LSAMP: variants seen among roughly 807,000 people sequenced by gnomAD.
LSAMP encodes limbic system-associated membrane protein.
Under a neutral mutation model 38.6 loss-of-function variants are expected in LSAMP, and 7 were observed. The ratio of observed to expected loss-of-function variants is 0.18; its 90% confidence interval spans 0.10 to 0.34. LSAMP has a LOEUF of 0.34. Among genes scored for constraint, LSAMP ranks in the 10% least tolerant of loss-of-function variants. The pLI, the probability that LSAMP is intolerant of heterozygous loss-of-function variation, is 1.00. For missense variants in LSAMP, 313 were observed against 420.0 expected, an observed-to-expected ratio of 0.75 and a Z score of 2.23; for synonymous variants, 154 against 166.8, an observed-to-expected ratio of 0.92 and a Z score of 0.59.
chr3:116,061,289 G>C (rs144759114), intron 2 of LSAMP, among the ~76,000 whole-genome samples: 257 of 152,270 alleles, frequency 1.7e-3, no homozygotes, highest in African/African-American at 5.8e-3. Flanking sequence ...ACAGGAAAGA[G>C]AACTGTCCAT....
chr3:116,018,638 G>T (rs1291676872), intron 3 of LSAMP, among the ~76,000 whole-genome samples: 1 of 152,136 alleles, frequency 6.6e-6, no homozygotes, highest in Non-Finnish European at 1.5e-5. Context: ...TAAAGACTGT[G>T]TTATTTGACA....
At chr3:116,030,317 T>A (rs1204099407) in intron 2 of LSAMP, among the ~76,000 whole-genome samples, 1 of 152,132 alleles carries the variant, frequency 6.6e-6, no homozygotes, top group Non-Finnish European at 1.5e-5. Flanking sequence ...CTGTGTGATG[T>A]CAAGTGGCTG....
intron 3 of LSAMP, among the ~76,000 whole-genome samples, chr3:115,982,483 C>T (rs1434303083): frequency 6.6e-6 from 1 of 152,038 alleles, no homozygotes; most frequent in African/African-American, 2.4e-5. Flanking sequence ...AGGGGAAATC[C>T]TCAAATTGCC....
intron 1 of LSAMP, among the ~76,000 whole-genome samples, chr3:116,392,075 A>T (rs985156645): frequency 1.3e-5 from 2 of 152,106 alleles, no homozygotes; most frequent in African/African-American, 4.8e-5. Flanking sequence ...GAGATATCAC[A>T]CCTGCCCTGA....
At chr3:116,215,346 T>G (rs2046206963) in intron 1 of LSAMP, among the ~76,000 whole-genome samples, 1 of 152,120 alleles carries the variant, frequency 6.6e-6, no homozygotes, top group South Asian at 2.1e-4. Context: ...ATGAGACCGA[T>G]TTCTGGCTAA....
At chr3:116,433,572 C>G (rs1165946467) in intron 1 of LSAMP, among the ~76,000 whole-genome samples, 2 of 152,052 alleles carry the variant, frequency 1.3e-5, no homozygotes, top group Non-Finnish European at 2.9e-5. Context: ...GATGCAATGC[C>G]CAGGTAAGCA....
chr3:116,194,172 A>G (rs1710821185), intron 1 of LSAMP, among the ~76,000 whole-genome samples: 1 of 152,106 alleles, frequency 6.6e-6, no homozygotes, highest in Admixed American at 6.6e-5. Flanking sequence ...TGAATGCCAG[A>G]TTTTTCCATG....
At chr3:116,190,468 C>T (rs1710730800) in intron 1 of LSAMP, among the ~76,000 whole-genome samples, 1 of 151,928 alleles carries the variant, frequency 6.6e-6, no homozygotes, top group Non-Finnish European at 1.5e-5. Context: ...TTCCCCAACA[C>T]TAACAGTTTC....
chr3:116,103,106 G>A (rs568359080), intron 1 of LSAMP, among the ~76,000 whole-genome samples: 2 of 152,190 alleles, frequency 1.3e-5, no homozygotes, highest in South Asian at 4.1e-4. Context: ...GTCAGAGGTG[G>A]ATTATCTAGT....
intron 1 of LSAMP, among the ~76,000 whole-genome samples, chr3:116,096,017 C>T (rs1294249713): frequency 6.6e-6 from 1 of 152,050 alleles, no homozygotes; most frequent in Non-Finnish European, 1.5e-5. Context: ...ATTTGTTTAT[C>T]CTCTCTGTGC....
rs551225777 is a variant in LSAMP, at chr3:116,138,522, C to T, written c.156-51966G>A. ...TAAAAGATACAACTTTTCAGCAATG[C>T]GGACAGTGTCTCTTTTAGGGACTGT... is the stretch of plus-strand genomic sequence containing the variant. On this transcript the variant is annotated intron_variant, in intron 1 of 6. Transcript: ENST00000490035. 5.3e-5 allele frequency among the ~76,000 whole-genome samples: 8 copies of T among 152,054 alleles called. No individual in the cohort carries two copies. The South Asian group carries it at 1.2e-3, about 24-fold the overall frequency.
intron 1 of LSAMP, among the ~76,000 whole-genome samples, chr3:116,347,686 A>G (rs2048082183): frequency 6.6e-6 from 1 of 152,182 alleles, no homozygotes; most frequent in Non-Finnish European, 1.5e-5. Flanking sequence ...AAGCACAGGA[A>G]AAACCAAGAG....
chr3:116,044,747 G>A (rs557992510), intron 2 of LSAMP, among the ~76,000 whole-genome samples: 1 of 152,252 alleles, frequency 6.6e-6, no homozygotes, highest in Non-Finnish European at 1.5e-5. Context: ...GCCCCAGCTG[G>A]CCAGACCTCC....
intron 1 of LSAMP, among the ~76,000 whole-genome samples, chr3:116,113,112 A>T (rs868332789): frequency 6.6e-6 from 1 of 152,124 alleles, no homozygotes; most frequent in Non-Finnish European, 1.5e-5. Flanking sequence ...GTGAGAAGTG[A>T]AGAGAGAGAG....
rs536337163 is a variant in LSAMP at position 116,110,783 on chromosome 3, G to A, written c.156-24227C>T. Among the ~76,000 whole-genome samples, 510 of 152,294 alleles carry A rather than the reference G, an allele frequency of 3.3e-3. 5 individuals carry two copies. Among genetic ancestry groups the A allele is most frequent in the African/African-American group, 0.012 (490 of 41,582 alleles). On this transcript the variant is annotated intron_variant, in intron 1 of 6. Coordinates refer to ENST00000490035, the MANE Select transcript of LSAMP (RefSeq NM_002338.5). ...TCTCCCAAGGGAGGTCCCCCGATCCGAGTCATGGCACCAAATTTCATGCGC... is the reference window on the plus strand; with the variant it reads ...TCTCCCAAGGGAGGTCCCCCGATCCAAGTCATGGCACCAAATTTCATGCGC...
intron 2 of LSAMP, among the ~76,000 whole-genome samples, chr3:116,069,789 A>T (rs1707555639): frequency 6.6e-6 from 1 of 152,198 alleles, no homozygotes; most frequent in Non-Finnish European, 1.5e-5. Flanking sequence ...TAGTATAATA[A>T]AAGTGAAGTG....
chr3:116,140,316 G>C (rs1320074729), intron 1 of LSAMP, among the ~76,000 whole-genome samples: 1 of 151,614 alleles, frequency 6.6e-6, no homozygotes, highest in Non-Finnish European at 1.5e-5. Flanking sequence ...TTCGATTCTA[G>C]AGACACCAGA....
At chr3:116,238,408 A>G (rs2046491943) in intron 1 of LSAMP, among the ~76,000 whole-genome samples, 1 of 152,162 alleles carries the variant, frequency 6.6e-6, no homozygotes, top group Non-Finnish European at 1.5e-5. Context: ...CATTTTTCAA[A>G]TGTTTAAATA....
intron 2 of LSAMP, among the ~76,000 whole-genome samples, chr3:116,049,785 T>G (rs867906085): frequency 6.6e-6 from 1 of 152,198 alleles, no homozygotes; most frequent in Non-Finnish European, 1.5e-5. Flanking sequence ...TTCTTTCACA[T>G]GAACATTTTA....
Sources: gnomAD v4.1 joint callset for allele counts (sites outside exome capture counted in the v4.1 genomes callset) on GRCh38, gnomAD v4.1.1 for gene constraint, MANE v1.5 for transcripts, NCBI Gene and HGNC (gene_info 2026-07-23, HGNC 2026-07-21) for gene names.